SORCS2: variants seen among roughly 807,000 people sequenced by gnomAD.
SORCS2 encodes VPS10 domain-containing receptor SorCS2.
A neutral mutation model predicts 141.6 loss-of-function variants in SORCS2; 100 were observed. That is an observed-to-expected ratio of 0.71 (90% CI 0.60 to 0.83). SORCS2 has a LOEUF of 0.83. Among genes scored for constraint, SORCS2 ranks in the 40% least tolerant of loss-of-function variants. The pLI is 0.00. For missense variants in SORCS2, 1,646 were observed against 1,560.2 expected (o/e 1.05, Z -0.93); for synonymous variants, 789 against 676.9 (o/e 1.17, Z -2.57).
intron 3 of SORCS2, among the ~76,000 whole-genome samples, chr4:7,623,535 G>A (rs1719335776): frequency 6.6e-6 from 1 of 152,108 alleles, no homozygotes; most frequent in Non-Finnish European, 1.5e-5. Flanking sequence ...CAAGGTAGGA[G>A]CCGGGGGCCT....
At chr4:7,231,203 A>C (rs1451471737) in intron 1 of SORCS2, among the ~76,000 whole-genome samples, 1 of 152,234 alleles carries the variant, frequency 6.6e-6, no homozygotes, top group Non-Finnish European at 1.5e-5. Context: ...GGAAGAGCTG[A>C]TGCTCCAGGT....
At chr4:7,739,581 A>G (rs1156718193) in intron 26 of SORCS2, among the ~76,000 whole-genome samples, 1 of 152,280 alleles carries the variant, frequency 6.6e-6, no homozygotes, top group East Asian at 1.9e-4. Context: ...GTTAGAGATG[A>G]AGAAGCCAAG....
chr4:7,292,859 A>G (rs1407403985), intron 1 of SORCS2, among the ~76,000 whole-genome samples: 2 of 152,358 alleles, frequency 1.3e-5, no homozygotes, highest in Admixed American at 6.5e-5. Flanking sequence ...TCCAGAAGGC[A>G]TTTACTAATT....
At chr4:7,705,611 G>C (rs1725379891) in intron 14 of SORCS2, among the ~76,000 whole-genome samples, 2 of 152,186 alleles carry the variant, frequency 1.3e-5, no homozygotes, top group Admixed American at 1.3e-4. Flanking sequence ...CGCCCACTCG[G>C]CTGGAGTGGC....
At chr4:7,259,362 C>G (rs1381737865) in intron 1 of SORCS2, among the ~76,000 whole-genome samples, 2 of 152,228 alleles carry the variant, frequency 1.3e-5, no homozygotes. Context: ...GACTCAGGAT[C>G]TCCTCAGAAC....
intron 3 of SORCS2, among the ~76,000 whole-genome samples, chr4:7,623,754 C>T (rs114858509): frequency 3.9e-5 from 6 of 152,220 alleles, no homozygotes; most frequent in African/African-American, 7.2e-5. Flanking sequence ...TCACGGCTGC[C>T]GCTTATGCGC....
intron 5 of SORCS2, among the ~76,000 whole-genome samples, chr4:7,658,472 G>A (rs540474478): frequency 1.8e-4 from 28 of 152,328 alleles, no homozygotes; most frequent in Middle Eastern, 6.8e-3. Flanking sequence ...TCTGTATTCA[G>A]GAGAGAGCAA....
chr4:7,426,618 A>G (rs1436485055), intron 2 of SORCS2, among the ~76,000 whole-genome samples: 1 of 152,078 alleles, frequency 6.6e-6, no homozygotes, highest in Non-Finnish European at 1.5e-5. Flanking sequence ...GAAATAGCAC[A>G]TGTACTGGGT....
chr4:7,375,712 A>G (rs1227099417), intron 1 of SORCS2, among the ~76,000 whole-genome samples: 2 of 152,260 alleles, frequency 1.3e-5, no homozygotes, highest in Non-Finnish European at 2.9e-5. Context: ...TGCATGTGCA[A>G]TACTGCAATA....
At chr4:7,234,904 A>G (rs1281125428) in intron 1 of SORCS2, among the ~76,000 whole-genome samples, 1 of 152,242 alleles carries the variant, frequency 6.6e-6, no homozygotes, top group African/African-American at 2.4e-5. Flanking sequence ...TGCTGGGGCC[A>G]GGAGGCCGGG....
chr4:7,586,585 T>G (rs1577795743), intron 3 of SORCS2, among the ~76,000 whole-genome samples: 1 of 152,288 alleles, frequency 6.6e-6, no homozygotes, highest in Admixed American at 6.5e-5. Context: ...TGGTGTTTGG[T>G]TTTTCTGTTC....
At chr4:7,238,357 G>T (rs561276240) in intron 1 of SORCS2, among the ~76,000 whole-genome samples, 1 of 152,302 alleles carries the variant, frequency 6.6e-6, no homozygotes, top group African/African-American at 2.4e-5. Context: ...TGTGCAGAAA[G>T]TCAAATCCAG....
chr4:7,207,639 G>A (rs1261938388), intron 1 of SORCS2, among the ~76,000 whole-genome samples: 1 of 152,208 alleles, frequency 6.6e-6, no homozygotes, highest in Non-Finnish European at 1.5e-5. Flanking sequence ...ATGCAGGAGC[G>A]AGCTTCTTCA....
At chr4:7,420,646 C>T (rs972464721) in intron 2 of SORCS2, among the ~76,000 whole-genome samples, 1 of 152,134 alleles carries the variant, frequency 6.6e-6, no homozygotes, top group Non-Finnish European at 1.5e-5. Context: ...GTCCTCTTTC[C>T]TGACGCCACT....
intron 1 of SORCS2, among the ~76,000 whole-genome samples, chr4:7,274,509 T>C (rs972307426): frequency 1.3e-5 from 2 of 152,114 alleles, no homozygotes; most frequent in African/African-American, 4.8e-5. Flanking sequence ...AGCCAGTACC[T>C]CACCTGGCTG....
intron 12 of SORCS2, among the ~76,000 whole-genome samples, chr4:7,701,407 G>A (rs1260126966): frequency 5.3e-5 from 8 of 152,144 alleles, no homozygotes; most frequent in Admixed American, 3.9e-4. Flanking sequence ...GTGGGAAATG[G>A]CAGCCGACTG....
intron 2 of SORCS2, among the ~76,000 whole-genome samples, chr4:7,506,162 G>A (rs114359720): frequency 0.011 from 1,748 of 152,240 alleles, 37 homozygotes; most frequent in African/African-American, 0.04. Context: ...CAGCCACAGC[G>A]TCCTGTGTGC....
At chr4:7,661,838 C>T (rs1040375602) in intron 6 of SORCS2, among the ~76,000 whole-genome samples, 1 of 152,200 alleles carries the variant, frequency 6.6e-6, no homozygotes, top group Non-Finnish European at 1.5e-5. Flanking sequence ...CAGCCCACCA[C>T]CCCTGGCATG....
chr4:7,279,598 C>G (rs1020590505), intron 1 of SORCS2, among the ~76,000 whole-genome samples: 1 of 152,168 alleles, frequency 6.6e-6, no homozygotes, highest in Non-Finnish European at 1.5e-5. Context: ...AGTTCAAGGG[C>G]GATCTTCCCT....
Sources: allele counts gnomAD v4.1 joint callset (sites outside exome capture counted in the v4.1 genomes callset), GRCh38; gene constraint gnomAD v4.1.1; transcripts MANE v1.5; gene names NCBI Gene and HGNC (gene_info 2026-07-23, HGNC 2026-07-21).